Variants in DENND2B observed in about 807,000 individuals in gnomAD.
DENND2B encodes DENN domain containing 2B, also known as DENN domain-containing protein 2B.
In DENND2B, 32 loss-of-function variants were observed where a neutral mutation model predicts 116.0. The observed-to-expected ratio is 0.28, with a 90% CI of 0.21 to 0.37. The LOEUF (loss-of-function observed/expected upper bound fraction) is 0.37. Ranked by LOEUF, DENND2B falls within the 10% of genes least tolerant of loss-of-function variation. DENND2B has a pLI of 1.00. For missense variants in DENND2B, 1,276 were observed against 1,477.7 expected (o/e 0.86, Z 2.24); for synonymous variants, 588 against 583.9 (o/e 1.01, Z -0.10).
intron 1 of DENND2B, among the ~76,000 whole-genome samples, chr11:8,883,668 T>A (rs1029343289): frequency 1.3e-5 from 2 of 152,210 alleles, no homozygotes; most frequent in African/African-American, 4.8e-5. Flanking sequence ...TAATAATTGC[T>A]TACAGACCAG....
At chr11:8,754,265 T>C (rs867440519) in intron 1 of DENND2B, among the ~76,000 whole-genome samples, 1 of 152,112 alleles carries the variant, frequency 6.6e-6, no homozygotes, top group Non-Finnish European at 1.5e-5. Context: ...AGACAAAGGA[T>C]TTGGAACAGA....
At chr11:8,704,846 C>T (rs1416194010) in intron 13 of DENND2B, among the ~76,000 whole-genome samples, 5 of 151,902 alleles carry the variant, frequency 3.3e-5, no homozygotes, top group Admixed American at 1.3e-4. Context: ...TACAGGCATG[C>T]GCCACCACAC....
At chr11:8,782,624 C>T (rs758716004) in intron 1 of DENND2B, among the ~76,000 whole-genome samples, 20 of 152,056 alleles carry the variant, frequency 1.3e-4, no homozygotes, top group Non-Finnish European at 2.8e-4. Context: ...CAGTGGCTCA[C>T]GCCTGTAATC....
chr11:8,861,986 C>A (rs1321408602), intron 2 of DENND2B, among the ~76,000 whole-genome samples: 1 of 136,550 alleles, frequency 7.3e-6, no homozygotes, highest in Non-Finnish European at 1.6e-5. Flanking sequence ...TATGGGTATG[C>A]AAAGGCATAT....
At chr11:8,750,046 A>G (rs1476563154) in intron 2 of DENND2B, among the ~76,000 whole-genome samples, 1 of 152,230 alleles carries the variant, frequency 6.6e-6, no homozygotes, top group Non-Finnish European at 1.5e-5. Context: ...TCCTCAGAGA[A>G]ACTCTGTAAG....
At chr11:8,896,387 G>A (rs1045617896) in intron 1 of DENND2B, among the ~76,000 whole-genome samples, 4 of 152,124 alleles carry the variant, frequency 2.6e-5, no homozygotes, top group Non-Finnish European at 4.4e-5. Flanking sequence ...AAATTGGAAG[G>A]GAACAGGAAT....
At chr11:8,842,065 C>T (rs1408042725) in intron 3 of DENND2B, among the ~76,000 whole-genome samples, 1 of 152,158 alleles carries the variant, frequency 6.6e-6, no homozygotes, top group Non-Finnish European at 1.5e-5. Context: ...CAGTGATTTA[C>T]ATAATTTCTC....
Position 8,799,299 on chromosome 11 carries a change from G to C in DENND2B, c.-26+11218C>G, listed in dbSNP as rs541834659. Among the ~76,000 whole-genome samples the C allele has an allele frequency of 4.4e-4, 67 of 152,314 alleles. 1 individual carries two copies. Among genetic ancestry groups the C allele is most frequent in the African/African-American group, 1.5e-3 (63 of 41,566 alleles). ...GTGATGACTCAAATGCAGAGAGGCAGGGACTCGGAAAGGACAGTGCTACCT... is the reference window on the plus strand; with the variant it reads ...GTGATGACTCAAATGCAGAGAGGCACGGACTCGGAAAGGACAGTGCTACCT... On this transcript the variant is annotated intron_variant, in intron 1 of 19. Transcript: ENST00000313726.
intron 1 of DENND2B, among the ~76,000 whole-genome samples, chr11:8,903,889 C>T (rs1326330625): frequency 6.6e-5 from 5 of 75,374 alleles, no homozygotes; most frequent in Non-Finnish European, 1.2e-4. Flanking sequence ...GACCTTGTCT[C>T]AAAAAAAAAA....
At chr11:8,782,268 A>T (rs569417307) in intron 1 of DENND2B, among the ~76,000 whole-genome samples, 1 of 152,386 alleles carries the variant, frequency 6.6e-6, no homozygotes, top group East Asian at 1.9e-4. Context: ...CTGCAAGAAT[A>T]GTATCATGTG....
At chr11:8,718,490 G>A (rs1052665316) in intron 4 of DENND2B, 58 of 1,474,856 alleles carry the variant, frequency 3.9e-5, no homozygotes, top group Middle Eastern at 3.5e-4. Context: ...AGGCAACCTC[G>A]GAACGGAACA....
chr11:8,751,085 T>A (rs1458242190), intron 1 of DENND2B, among the ~76,000 whole-genome samples: 1 of 152,012 alleles, frequency 6.6e-6, no homozygotes, highest in Non-Finnish European at 1.5e-5. Flanking sequence ...AATCTTTATG[T>A]CTAGCTAAGG....
chr11:8,786,404 T>C (rs1211753062), intron 1 of DENND2B, among the ~76,000 whole-genome samples: 1 of 152,226 alleles, frequency 6.6e-6, no homozygotes, highest in Non-Finnish European at 1.5e-5. Context: ...TTGCCTTACA[T>C]ATCCATATAA....
At chr11:8,812,814 A>G (rs1337956989), upstream of DENND2B, among the ~76,000 whole-genome samples, 2 of 152,036 alleles carry the variant, frequency 1.3e-5, no homozygotes, top group Non-Finnish European at 2.9e-5. Flanking sequence ...CCTCTTGACA[A>G]CTCCTCACCA....
chr11:8,761,111 T>G (rs1394396677), intron 1 of DENND2B, among the ~76,000 whole-genome samples: 1 of 152,364 alleles, frequency 6.6e-6, no homozygotes, highest in African/African-American at 2.4e-5. Flanking sequence ...TCCACTTCAG[T>G]GCAGATCCTG....
In DENND2B at chr11:8,894,730, A is replaced by AT. The variant is rs556721952; in HGVS notation, c.-255-13622dup. Among the ~76,000 whole-genome samples the AT allele has an allele frequency of 1.4e-3, 212 of 152,286 alleles. 1 individual carries two copies. The highest frequency in any genetic ancestry group is 4.9e-3 in the African/African-American group (202 of 41,564). ...TCTCACACCAATTAGAATGGCGGTCATTAAAAAGTCAGGAAACAACAGGTG... is the reference window on the plus strand; with the variant it reads ...TCTCACACCAATTAGAATGGCGGTCATTTAAAAAGTCAGGAAACAACAGGTG... On this transcript the variant is annotated intron_variant, in intron 1 of 22. Coordinates refer to the DENND2B transcript ENST00000534127.
intron 16 of DENND2B, 59 bp downstream of exon 16, chr11:8,698,872 AGT>A (rs2040948268): frequency 1.3e-6 from 2 of 1,579,154 alleles, no homozygotes; most frequent in African/African-American, 1.3e-5. Flanking sequence ...AAGGTTGAGT[AGT>A]GTGTGTGATG....
At chr11:8,703,943 A>G (rs2042150283) in intron 13 of DENND2B, among the ~76,000 whole-genome samples, 1 of 152,034 alleles carries the variant, frequency 6.6e-6, no homozygotes, top group Non-Finnish European at 1.5e-5. Flanking sequence ...AGCCCTTTAT[A>G]CCTGCTCCAG....
chr11:8,867,771 C>A (rs1334678271), intron 2 of DENND2B, among the ~76,000 whole-genome samples: 1 of 151,854 alleles, frequency 6.6e-6, no homozygotes, highest in Non-Finnish European at 1.5e-5. Flanking sequence ...TTTGTAGAGA[C>A]AGGGTTTCAC....
Sources: gnomAD v4.1 joint callset for allele counts (sites outside exome capture counted in the v4.1 genomes callset) on GRCh38, gnomAD v4.1.1 for gene constraint, MANE v1.5 for transcripts, NCBI Gene and HGNC (gene_info 2026-07-23, HGNC 2026-07-21) for gene names.